Variants in CTNND2 observed in about 807,000 individuals in gnomAD.
CTNND2 encodes catenin delta 2.
CTNND2 carries 22 observed loss-of-function variants against 144.4 expected under a neutral mutation model. The ratio of observed to expected loss-of-function variants is 0.15; its 90% CI spans 0.11 to 0.22. CTNND2 has a LOEUF of 0.22. Ranked by LOEUF, CTNND2 falls within the 10% of genes least tolerant of loss-of-function variation. The pLI is 1.00. For missense variants in CTNND2, 1,353 were observed against 1,618.8 expected (o/e 0.84, Z 2.82); for synonymous variants, 751 against 695.6 (o/e 1.08, Z -1.25).
intron 3 of CTNND2, among the ~76,000 whole-genome samples, chr5:11,488,883 T>C (rs149508502): frequency 6.6e-6 from 1 of 152,358 alleles, no homozygotes; most frequent in African/African-American, 2.4e-5. Context: ...AGCTGTTGTG[T>C]ACATCAATAG....
chr5:11,464,181 C>T (rs1051050738), intron 3 of CTNND2, among the ~76,000 whole-genome samples: 3 of 152,070 alleles, frequency 2.0e-5, no homozygotes, highest in Non-Finnish European at 2.9e-5. Flanking sequence ...AGCAGTGAGC[C>T]AAACAGACAA....
chr5:11,595,585 T>C (rs6865964), intron 2 of CTNND2, among the ~76,000 whole-genome samples: 10,587 of 152,118 alleles, frequency 0.07, 789 homozygotes, highest in African/African-American at 0.18. Context: ...ATTTCAGAAG[T>C]AGCTCTCTAC....
At chr5:11,311,105 C>A (rs1392627477) in intron 9 of CTNND2, among the ~76,000 whole-genome samples, 1 of 149,880 alleles carries the variant, frequency 6.7e-6, no homozygotes, top group Non-Finnish European at 1.5e-5. Flanking sequence ...CTCACACTCT[C>A]TCCATGCACC....
chr5:11,271,667 C>A (rs1052426070), intron 9 of CTNND2, among the ~76,000 whole-genome samples: 2 of 152,148 alleles, frequency 1.3e-5, no homozygotes, highest in Admixed American at 6.5e-5. Context: ...GAATGATGGG[C>A]TTAGATGATA....
chr5:11,353,817 A>C (rs1755592315), intron 8 of CTNND2, among the ~76,000 whole-genome samples: 1 of 152,018 alleles, frequency 6.6e-6, no homozygotes, highest in Non-Finnish European at 1.5e-5. Context: ...AAAAAAAAAA[A>C]CATTGTATTA....
intron 8 of CTNND2, among the ~76,000 whole-genome samples, chr5:11,360,848 A>C (rs540200578): frequency 6.6e-6 from 1 of 152,204 alleles, no homozygotes; most frequent in African/African-American, 2.4e-5. Flanking sequence ...CCGCCAGTAC[A>C]TCTAGCACAC....
At chr5:11,685,360 G>T (rs1784601230) in intron 2 of CTNND2, among the ~76,000 whole-genome samples, 1 of 152,184 alleles carries the variant, frequency 6.6e-6, no homozygotes, top group Non-Finnish European at 1.5e-5. Flanking sequence ...CCTACAGGTA[G>T]TTCACAATCT....
intron 6 of CTNND2, chr5:11,385,755 TAC>T (rs1176213818): frequency 6.6e-6 from 1 of 152,196 alleles, no homozygotes; most frequent in Non-Finnish European, 1.5e-5. Context: ...ACATACTTCT[TAC>T]AGTTTATTCT....
intron 1 of CTNND2, among the ~76,000 whole-genome samples, chr5:11,867,468 A>T (rs1795825595): frequency 6.6e-6 from 1 of 152,214 alleles, no homozygotes; most frequent in Non-Finnish European, 1.5e-5. Context: ...TTCCACATGG[A>T]GATGTCAGTT....
intron 2 of CTNND2, among the ~76,000 whole-genome samples, chr5:11,644,857 A>AT (rs953811369): frequency 5.3e-5 from 8 of 152,086 alleles, no homozygotes; most frequent in Admixed American, 2.6e-4. Context: ...ATTTTAATTG[A>AT]TTTTTTTATC....
At chr5:11,311,212 GC>G (rs1561197672) in intron 9 of CTNND2, among the ~76,000 whole-genome samples, 6 of 131,150 alleles carry the variant, frequency 4.6e-5, no homozygotes, top group Admixed American at 7.7e-5. Context: ...CACCCCACAT[GC>G]CCTCACACTT....
At chr5:11,628,026 G>A (rs536800107) in intron 2 of CTNND2, among the ~76,000 whole-genome samples, 3 of 152,076 alleles carry the variant, frequency 2.0e-5, no homozygotes, top group Non-Finnish European at 2.9e-5. Flanking sequence ...TTGCTGTGCG[G>A]CCAGGTACCT....
chr5:11,701,363 G>T (rs576621143), intron 2 of CTNND2, among the ~76,000 whole-genome samples: 10 of 152,258 alleles, frequency 6.6e-5, no homozygotes, highest in Non-Finnish European at 8.8e-5. Context: ...GGACAAACGT[G>T]CATGAAGTAT....
In CTNND2 at chr5:11,300,052, T is replaced by C. The variant is rs542846728; in HGVS notation, c.1628+46320A>G. Among the ~76,000 whole-genome samples, 4 of 152,286 alleles carry C rather than the reference T, an allele frequency of 2.6e-5. No individual in the cohort carries two copies. The South Asian group carries it at 8.3e-4, about 32-fold the overall frequency. ...TTGTATTCATTTATATACATTTAGG[T>C]TTGAAGATCATAAGAGCCTCTGGGG... On this transcript the variant is annotated intron_variant, in intron 9 of 21. Coordinates refer to ENST00000304623, the MANE Select transcript of CTNND2 (RefSeq NM_001332.4).
intron 1 of CTNND2, among the ~76,000 whole-genome samples, chr5:11,863,431 T>C (rs2127030748): frequency 6.6e-6 from 1 of 152,324 alleles, no homozygotes; most frequent in South Asian, 2.1e-4. Context: ...GAACCAATTA[T>C]TTTTGATTGG....
intron 3 of CTNND2, among the ~76,000 whole-genome samples, chr5:11,512,410 C>A (rs549210515): frequency 6.6e-6 from 1 of 152,222 alleles, no homozygotes; most frequent in African/African-American, 2.4e-5. Flanking sequence ...AAAAATTCTG[C>A]GGCTTATCAA....
chr5:11,810,728 G>C (rs938395912), intron 1 of CTNND2, among the ~76,000 whole-genome samples: 1 of 152,122 alleles, frequency 6.6e-6, no homozygotes, highest in Non-Finnish European at 1.5e-5. Flanking sequence ...TGAGTATACA[G>C]GTATGCTATT....
At chr5:11,339,663 T>C (rs1331660708) in intron 9 of CTNND2, among the ~76,000 whole-genome samples, 1 of 152,066 alleles carries the variant, frequency 6.6e-6, no homozygotes, top group East Asian at 1.9e-4. Flanking sequence ...GTGGAGATGT[T>C]GGGAGGTGAC....
intron 1 of CTNND2, among the ~76,000 whole-genome samples, chr5:11,855,020 G>A (rs1396225813): frequency 6.6e-6 from 1 of 152,154 alleles, no homozygotes; most frequent in African/African-American, 2.4e-5. Flanking sequence ...TAACTATAAT[G>A]TGCAGCTGCA....
Sources: gnomAD v4.1 joint callset for allele counts (sites outside exome capture counted in the v4.1 genomes callset) on GRCh38, gnomAD v4.1.1 for gene constraint, MANE v1.5 for transcripts, NCBI Gene and HGNC (gene_info 2026-07-23, HGNC 2026-07-21) for gene names.